Variants in TKFC observed in about 807,000 individuals in gnomAD.
The protein encoded by TKFC is triokinase/FMN cyclase.
A neutral mutation model predicts 61.0 loss-of-function variants in TKFC; 46 were observed. The ratio of observed to expected loss-of-function variants is 0.75; its 90% CI spans 0.60 to 0.96. The LOEUF (loss-of-function observed/expected upper bound fraction) is 0.96. Among genes scored for constraint, TKFC ranks in the 50% least tolerant of loss-of-function variants. The pLI is 0.00. For missense variants in TKFC, 715 were observed against 777.5 expected (o/e 0.92, Z 0.96); for synonymous variants, 314 against 330.1 (o/e 0.95, Z 0.53).
Position 61,346,261 on chromosome 11 carries a change from A to G in TKFC, c.1576-90A>G. Reference sequence around the variant, plus strand: ...AGCCAGGGCAAGGGCGTGCAGGGCCAGGCTGCACGGCAGAGACGTTCTGCC... The same window carrying G: ...AGCCAGGGCAAGGGCGTGCAGGGCCGGGCTGCACGGCAGAGACGTTCTGCC... On this transcript the variant is annotated intron_variant, in intron 17 of 17. Transcript: ENST00000394900. The surrounding 1 kb of genome is among the most constrained non-coding windows in gnomAD (Gnocchi z 4.1). The G allele has an allele frequency of 6.3e-7, 1 of 1,596,206 alleles. No individual in the cohort carries two copies. The highest frequency in any genetic ancestry group is 8.5e-7 in the Non-Finnish European group (1 of 1,176,610).
In TKFC at chr11:61,346,584, A is replaced by T. The variant is rs1168255955; in HGVS notation, c.*81A>T. The T allele has an allele frequency of 6.6e-7, 1 of 1,504,304 alleles. No individual in the cohort carries two copies. The highest frequency in any genetic ancestry group is 2.3e-5 in the East Asian group (1 of 43,596). The allele number at this position is 1,504,304 out of a possible 1,614,324, so 93.2% of individuals were successfully genotyped here. A position where few individuals can be genotyped will look rare whatever the true frequency, so the allele number is the denominator to read the frequency against. ...CTTTGTCACTTCCTTCTGCCTTCCA[A>T]CCCTCACCTTCCCCCGGCCTGGCCC... On this transcript the variant is annotated 3_prime_UTR_variant, in exon 18 of 18. Coordinates refer to ENST00000394900, the MANE Select transcript of TKFC (RefSeq NM_015533.4). The surrounding 1 kb of genome is among the most constrained non-coding windows in gnomAD (Gnocchi z 4.1).
At chr11:61,339,621 C>T (rs576421055) in intron 5 of TKFC, 186 bp downstream of exon 5, 15 of 656,584 alleles carry the variant, frequency 2.3e-5, no homozygotes, top group Non-Finnish European at 3.8e-5. Context: ...GGCATTTTCC[C>T]AGACTCGTCC....
rs2135081680 is a variant in TKFC, at chr11:61,348,174, T to A, written c.*1671T>A. Reference sequence around the variant, plus strand: ...CAGACGGTGGCCTGTGGATCCCAGCTCTGTCATTTCCTGGCTGGGTGACCT... The same window carrying A: ...CAGACGGTGGCCTGTGGATCCCAGCACTGTCATTTCCTGGCTGGGTGACCT... On this transcript the variant is annotated 3_prime_UTR_variant, in exon 18 of 18. Coordinates refer to ENST00000394900, the MANE Select transcript of TKFC (RefSeq NM_015533.4). 1.0e-6 allele frequency: 1 copy of A among 985,462 alleles called. No individual in the cohort carries two copies. The highest frequency in any genetic ancestry group is 1.7e-5 in the African/African-American group (1 of 57,368). 61.0% of individuals were successfully genotyped at this position (985,462 alleles called of 1,614,324 possible).
At chr11:61,340,946 A>G (rs1004545873) in intron 5 of TKFC, among the ~76,000 whole-genome samples, 5 of 152,136 alleles carry the variant, frequency 3.3e-5, no homozygotes, top group African/African-American at 1.2e-4. Flanking sequence ...ATTTATGGGT[A>G]TCTGCTTCCC....
At chr11:61,338,387 A>T (rs1021821029) in intron 3 of TKFC, among the ~76,000 whole-genome samples, 3 of 152,034 alleles carry the variant, frequency 2.0e-5, no homozygotes, top group Admixed American at 1.3e-4. Flanking sequence ...CGGTGATTCC[A>T]TGAATCTTCT....
chr11:61,342,268 G>A (rs1354521063), intron 7 of TKFC, 193 bp from the exon 8 acceptor site: 4 of 720,620 alleles, frequency 5.6e-6, no homozygotes, highest in Non-Finnish European at 9.6e-6. Flanking sequence ...ACTATCTCTA[G>A]TTAAAGCTAT....
Position 61,344,275 on chromosome 11 carries a change from T to C in TKFC, c.1240+2T>C. 1 of 1,612,014 alleles carries C rather than the reference T, an allele frequency of 6.2e-7. No individual in the cohort carries two copies. Among genetic ancestry groups the C allele is most frequent in the Non-Finnish European group, 8.5e-7 (1 of 1,179,570 alleles). The stretch of plus-strand genomic sequence containing the variant: ...CCACCCACAGCCGTGCGGCCAGAGG[T>C]TGGTGCCAGGGACTTTGCCAAGTGA... On this transcript the variant is annotated splice_donor_variant, in intron 13 of 17. Coordinates refer to ENST00000394900, the MANE Select transcript of TKFC (RefSeq NM_015533.4). LOFTEE classifies it high-confidence loss of function.
chr11:61,346,114 A>G lies in TKFC; in HGVS notation c.1575+168A>G. The G allele has an allele frequency of 1.7e-6, 2 of 1,152,854 alleles. No individual in the cohort carries two copies. The highest frequency in any genetic ancestry group is 2.4e-6 in the Non-Finnish European group (2 of 834,064). 71.4% of individuals were successfully genotyped at this position (1,152,854 alleles called of 1,614,324 possible). ...AAGGTGGTTATGTGGCTAAGGAAAT[A>G]TGTAGAGCCCCGCACACTGCCTGGG... On this transcript the variant is annotated intron_variant, in intron 17 of 17. Coordinates refer to ENST00000394900, the MANE Select transcript of TKFC (RefSeq NM_015533.4). This position sits in a 1 kb window ranked among gnomAD's most constrained non-coding sequence, Gnocchi z 4.1.
rs1856988884 is a variant in TKFC, at chr11:61,343,935, T to C, written c.1062T>C (p.Pro354=). 3 of 1,611,530 alleles carry C rather than the reference T, an allele frequency of 1.9e-6. No individual in the cohort carries two copies. Among genetic ancestry groups the C allele is most frequent in the Non-Finnish European group, 2.5e-6 (3 of 1,179,984 alleles). The change falls in exon 12 of 18, where the codon CCT becomes CCC. Residue 354 remains proline, a synonymous_variant. Transcript: ENST00000394900. ...ITGRKRSRVA[P]AEPQEAPDST... The stretch of plus-strand genomic sequence containing the variant: ...GGCGGAAGCGGAGCCGGGTAGCCCC[T>C]GCCGAGCCCCAGGAGGCCCCTGATT...
chr11:61,345,284 G>A lies in TKFC; in HGVS notation c.1265G>A (p.Gly422Asp). The A allele has an allele frequency of 2.5e-6, 4 of 1,588,308 alleles. No individual in the cohort carries two copies. The highest frequency in any genetic ancestry group is 1.1e-5 in the South Asian group (1 of 87,794). The stretch of plus-strand genomic sequence containing the variant: ...GCAATCCAGGAGTGGCTGAAGGAGG[G>A]CCCACCCCCTGCCAGCCCTGCCCAG... ...ARAIQEWLKE[G>D]PPPASPAQLL... The change falls in exon 14 of 18, where the codon GGC becomes GAC. Residue 422 changes from glycine (G) to aspartate (D), a missense_variant. Gly to Asp is a moderately conservative substitution (Grantham distance 94). Coordinates refer to ENST00000394900, the MANE Select transcript of TKFC (RefSeq NM_015533.4).
In TKFC at chr11:61,348,936, C is replaced by T. The variant is rs1857269485; in HGVS notation, c.*2433C>T. 6.5e-6 allele frequency: 1 copy of T among 153,172 alleles called. No individual in the cohort carries two copies. The highest frequency in any genetic ancestry group is 6.5e-5 in the Admixed American group (1 of 15,470). The allele number at this position is 153,172 out of a possible 1,614,324, so 9.5% of individuals were successfully genotyped here. A position where few individuals can be genotyped will look rare whatever the true frequency, so the allele number is the denominator to read the frequency against. ...TCCCAGTGGCTTTGAAGGCTCCAGC[C>T]AGTCAAGACGGTCAATATTAGCCCT... On this transcript the variant is annotated 3_prime_UTR_variant, in exon 18 of 18. Coordinates refer to ENST00000394900, the MANE Select transcript of TKFC (RefSeq NM_015533.4).
At chr11:61,338,280 T>C in intron 3 of TKFC, 150 bp downstream of exon 3, 1 of 735,118 alleles carries the variant, frequency 1.4e-6, no homozygotes, top group South Asian at 2.4e-5. Context: ...CCGGCTGGGA[T>C]CAGGGGCCCA....
chr11:61,341,783 A>T lies in TKFC; in HGVS notation c.566-40A>T, dbSNP rs1041566073. 3.2e-6 allele frequency: 5 copies of T among 1,578,142 alleles called. No homozygotes were observed. In the African/African-American group the frequency reaches 6.7e-5, roughly 21 times the overall value. On this transcript the variant is annotated intron_variant, in intron 6 of 17. Coordinates refer to ENST00000394900, the MANE Select transcript of TKFC (RefSeq NM_015533.4). ...CCACCCTTCCTGATGCCCAGTGCTAAGAGTGGAACAGTCATCCCTTCATGC... is the reference window on the plus strand; with the variant it reads ...CCACCCTTCCTGATGCCCAGTGCTATGAGTGGAACAGTCATCCCTTCATGC...
chr11:61,344,433 G>A (rs555354753), intron 13 of TKFC, among the ~76,000 whole-genome samples, 160 bp downstream of exon 13: 1 of 145,546 alleles, frequency 6.9e-6, no homozygotes, highest in Non-Finnish European at 1.5e-5. Flanking sequence ...GTGTGATCTC[G>A]GCTCACTGCA....
intron 2 of TKFC, chr11:61,335,203 A>T (rs959664524): frequency 1.2e-5 from 2 of 165,296 alleles, no homozygotes; most frequent in Non-Finnish European, 2.7e-5. Flanking sequence ...AGCCTTGAAC[A>T]TATCTGGATT....
At chr11:61,342,405 C>T (rs201826459) in intron 7 of TKFC, 56 bp from the exon 8 acceptor site, 43 of 1,611,518 alleles carry the variant, frequency 2.7e-5, no homozygotes, top group Middle Eastern at 1.8e-4. Flanking sequence ...TTGATAAAAA[C>T]GATGAGCAAA....
chr11:61,334,738 C>CA lies in TKFC; in HGVS notation c.3+8dup. On this transcript the variant is annotated splice_region_variant and intron_variant, in intron 2 of 17. Transcript: ENST00000394900. ...TCAGAGCCTCCACACCATGGTGAGT[C>CA]ATACAGGGCCGGGACGGGAATGGCA... 6.2e-7 allele frequency: 1 copy of CA among 1,614,090 alleles called. No homozygotes were observed. Among genetic ancestry groups the CA allele is most frequent in the Non-Finnish European group, 8.5e-7 (1 of 1,179,996 alleles).
intron 7 of TKFC, 78 bp downstream of exon 7, chr11:61,341,990 C>A: frequency 7.3e-7 from 1 of 1,375,868 alleles, no homozygotes; most frequent in Admixed American, 2.0e-5. Flanking sequence ...CCCTTAGAGC[C>A]ATCAACCTGG....
chr11:61,341,390 C>T, intron 5 of TKFC, 46 bp from the exon 6 acceptor site: 1 of 1,543,680 alleles, frequency 6.5e-7, no homozygotes, highest in Non-Finnish European at 8.8e-7. Flanking sequence ...CCACATGGTA[C>T]AGTGATACCC....
Sources: allele counts gnomAD v4.1 joint callset (sites outside exome capture counted in the v4.1 genomes callset), GRCh38; gene constraint gnomAD v4.1.1; non-coding constraint Gnocchi (gnomAD v3.1); transcripts MANE v1.5; gene names NCBI Gene and HGNC (gene_info 2026-07-23, HGNC 2026-07-21).